CNTNAP2: variants seen among roughly 807,000 people sequenced by gnomAD.
CNTNAP2 encodes the protein contactin-associated protein-like 2.
Under a neutral mutation model 155.2 loss-of-function variants are expected in CNTNAP2, and 98 were observed. The observed-to-expected ratio is 0.63, with a 90% CI of 0.54 to 0.75. CNTNAP2 has a LOEUF of 0.75. Ranked by LOEUF, CNTNAP2 falls within the 30% of genes least tolerant of loss-of-function variation. CNTNAP2 has a pLI of 0.00. For synonymous variants in CNTNAP2, 651 were observed against 631.2 expected (o/e 1.03, Z -0.47); for missense variants, 1,727 against 1,688.1 (o/e 1.02, Z -0.40).
chr7:147,040,192 C>A (rs1799231623), intron 3 of CNTNAP2, among the ~76,000 whole-genome samples: 1 of 152,204 alleles, frequency 6.6e-6, no homozygotes, highest in South Asian at 2.1e-4. Context: ...TGAAAAAAAG[C>A]TCACTATGTA....
At chr7:147,300,367 A>G (rs1373877717) in intron 9 of CNTNAP2, 77 bp downstream of exon 9, 36 of 1,539,138 alleles carry the variant, frequency 2.3e-5, no homozygotes, top group Non-Finnish European at 3.1e-5. Context: ...ATTATGAAGT[A>G]TTTATATTTG....
At chr7:146,275,289 T>A (rs1452717435) in intron 1 of CNTNAP2, among the ~76,000 whole-genome samples, 1 of 152,154 alleles carries the variant, frequency 6.6e-6, no homozygotes, top group African/African-American at 2.4e-5. Context: ...TAGAACTTTT[T>A]AAAAATGTTA....
At chr7:148,051,095 T>C (rs114684691) in intron 15 of CNTNAP2, among the ~76,000 whole-genome samples, 1 of 152,238 alleles carries the variant, frequency 6.6e-6, no homozygotes, top group Non-Finnish European at 1.5e-5. Context: ...ATTTTTTCAG[T>C]GTAGCTTGTT....
At chr7:148,006,591 T>C (rs375465911) in intron 15 of CNTNAP2, among the ~76,000 whole-genome samples, 12 of 150,960 alleles carry the variant, frequency 7.9e-5, no homozygotes, top group East Asian at 1.9e-4. Flanking sequence ...AGTGCTGGGA[T>C]TACAGGCATA....
At chr7:146,304,588 A>C (rs1297006642) in intron 1 of CNTNAP2, among the ~76,000 whole-genome samples, 1 of 152,104 alleles carries the variant, frequency 6.6e-6, no homozygotes, top group East Asian at 1.9e-4. Context: ...AAGAATGTTG[A>C]ATATTGGCCC....
intron 1 of CNTNAP2, among the ~76,000 whole-genome samples, chr7:146,479,823 C>T (rs969431009): frequency 6.6e-6 from 1 of 152,056 alleles, no homozygotes; most frequent in South Asian, 2.1e-4. Context: ...CTTGCTCTGT[C>T]CCCCGGGCTG....
chr7:146,657,092 G>C (rs1012966780), intron 1 of CNTNAP2, among the ~76,000 whole-genome samples: 1 of 152,130 alleles, frequency 6.6e-6, no homozygotes, highest in Non-Finnish European at 1.5e-5. Context: ...CTCTGTGTGT[G>C]TGAATACATG....
chr7:146,822,540 T>A (rs1563246235), intron 2 of CNTNAP2, among the ~76,000 whole-genome samples: 1 of 150,954 alleles, frequency 6.6e-6, no homozygotes, highest in African/African-American at 2.4e-5. Context: ...TTAATAATGC[T>A]CGTTGTTTTG....
At chr7:146,196,905 A>G (rs1471243232) in intron 1 of CNTNAP2, among the ~76,000 whole-genome samples, 1 of 152,104 alleles carries the variant, frequency 6.6e-6, no homozygotes, top group Non-Finnish European at 1.5e-5. Context: ...ATTTCCACTA[A>G]TGACAGTTTA....
At chr7:148,279,709 A>G (rs948002340) in intron 21 of CNTNAP2, among the ~76,000 whole-genome samples, 8 of 152,180 alleles carry the variant, frequency 5.3e-5, no homozygotes, top group Non-Finnish European at 8.8e-5. Flanking sequence ...TGGGAAAGGC[A>G]AAAAAGAAAA....
intron 14 of CNTNAP2, among the ~76,000 whole-genome samples, chr7:147,925,306 A>G (rs750929078): frequency 0.19 from 28,104 of 148,764 alleles, 3,563 homozygotes; most frequent in South Asian, 0.32. Context: ...ACACACACAC[A>G]CACACACACA....
At chr7:147,073,512 G>A (rs1198345612) in intron 4 of CNTNAP2, among the ~76,000 whole-genome samples, 1 of 152,084 alleles carries the variant, frequency 6.6e-6, no homozygotes, top group Non-Finnish European at 1.5e-5. Flanking sequence ...GCATAGGAGA[G>A]GTAATTGAAA....
rs151280568 is a variant in CNTNAP2, at chr7:147,395,922, A to T, written c.1670+142A>T. On this transcript the variant is annotated intron_variant, in intron 10 of 23. Coordinates refer to ENST00000361727, the MANE Select transcript of CNTNAP2 (RefSeq NM_014141.6). Reference sequence around the variant, plus strand: ...AATTACCATTCAAAGTACGTATTGTAGTATACTTGTGATATTAGCAGTGAT... The same window carrying T: ...AATTACCATTCAAAGTACGTATTGTTGTATACTTGTGATATTAGCAGTGAT... 7.4e-5 allele frequency: 61 copies of T among 829,660 alleles called. 1 individual carries two copies. The African/African-American group carries it at 1.0e-3, about 14-fold the overall frequency. 51.4% of individuals were successfully genotyped at this position (829,660 alleles called of 1,614,324 possible). A position where few individuals can be genotyped will look rare whatever the true frequency, so the allele number is the denominator to read the frequency against.
chr7:147,054,213 C>T (rs980499078), intron 4 of CNTNAP2, among the ~76,000 whole-genome samples: 2 of 152,076 alleles, frequency 1.3e-5, no homozygotes, highest in South Asian at 2.1e-4. Flanking sequence ...CAATTATCAC[C>T]GTAAGAATAT....
intron 3 of CNTNAP2, among the ~76,000 whole-genome samples, chr7:146,852,602 A>G (rs964489036): frequency 6.6e-6 from 1 of 152,192 alleles, no homozygotes; most frequent in Non-Finnish European, 1.5e-5. Flanking sequence ...AGATATAGTA[A>G]TTATTTATTA....
chr7:147,460,888 G>T (rs1292464649), intron 10 of CNTNAP2, among the ~76,000 whole-genome samples: 1 of 152,166 alleles, frequency 6.6e-6, no homozygotes, highest in East Asian at 1.9e-4. Context: ...GGGAAGTCAA[G>T]CAGTAATTTT....
At chr7:148,117,961 A>G (rs1218651832) in intron 15 of CNTNAP2, among the ~76,000 whole-genome samples, 157 bp from the exon 16 acceptor site, 1 of 152,058 alleles carries the variant, frequency 6.6e-6, no homozygotes, top group African/African-American at 2.4e-5. Flanking sequence ...AGTCAAAAAT[A>G]TATTTGTGAG....
chr7:147,417,780 A>C (rs985932246), intron 10 of CNTNAP2, among the ~76,000 whole-genome samples: 13 of 152,190 alleles, frequency 8.5e-5, no homozygotes, highest in African/African-American at 2.9e-4. Context: ...ATTAAAGCTC[A>C]AGGAGCCCCA....
intron 2 of CNTNAP2, among the ~76,000 whole-genome samples, chr7:146,788,984 A>C (rs1180621564): frequency 2.0e-5 from 3 of 152,216 alleles, no homozygotes; most frequent in Non-Finnish European, 4.4e-5. Context: ...AATACTTGAC[A>C]TACAGGATGA....
Sources: gnomAD v4.1 joint callset for allele counts (sites outside exome capture counted in the v4.1 genomes callset) on GRCh38, gnomAD v4.1.1 for gene constraint, MANE v1.5 for transcripts, NCBI Gene and HGNC (gene_info 2026-07-23, HGNC 2026-07-21) for gene names.